The following BMP3 variants were observed in gnomAD, a reference collection of about 807,000 sequenced individuals.
BMP3 encodes bone morphogenetic protein 3, also known as bone morphogenetic protein 3 (osteogenic).
In BMP3, 23 loss-of-function variants were observed where a neutral mutation model predicts 38.1. That is an observed-to-expected ratio of 0.60 (90% confidence interval 0.43 to 0.86). The LOEUF is 0.86. Ranked by LOEUF, BMP3 falls within the 40% of genes least tolerant of loss-of-function variation. BMP3 has a pLI of 0.00. For missense variants in BMP3, 628 were observed against 579.6 expected (o/e 1.08, Z -0.86); for synonymous variants, 258 against 225.7 (o/e 1.14, Z -1.28).
At chr4:81,042,405 A>G (rs1354199553) in intron 1 of BMP3, among the ~76,000 whole-genome samples, 2 of 152,192 alleles carry the variant, frequency 1.3e-5, no homozygotes, top group Non-Finnish European at 2.9e-5. Context: ...GACCCACTTT[A>G]TAGATAAGCA....
chr4:81,049,689 A>G (rs1429467889), intron 2 of BMP3, among the ~76,000 whole-genome samples: 3 of 152,208 alleles, frequency 2.0e-5, no homozygotes, highest in South Asian at 4.1e-4. Context: ...GATGGGAAAC[A>G]TGCAGCCAAA....
At chr4:81,032,713 A>G (rs962498014) in intron 1 of BMP3, among the ~76,000 whole-genome samples, 1 of 152,252 alleles carries the variant, frequency 6.6e-6, no homozygotes, top group African/African-American at 2.4e-5. Context: ...AGACTCCTGG[A>G]AAAAGGGAAA....
chr4:81,031,369 T>C lies in BMP3; in HGVS notation c.85T>C (p.Phe29Leu). Residue 29 changes from phenylalanine to leucine, a missense_variant, in exon 1 of 3, where the codon TTC (phenylalanine) becomes CTC (leucine). Physicochemically the swap from Phe to Leu is conservative, Grantham distance 22 (BLOSUM62 0). Transcript: ENST00000282701. ...GCAGGGAGAGAGACCGAAGCCACCT[T>C]TCCCGGAGCTCCGCAAAGCTGTGCC... ...LAQGERPKPPFPELRKAVPGD... is the reference protein window; with the variant it reads ...LAQGERPKPPLPELRKAVPGD... 6.2e-7 allele frequency: 1 copy of C among 1,613,376 alleles called. No homozygotes were observed. The highest frequency in any genetic ancestry group is 1.3e-5 in the African/African-American group (1 of 75,062).
At chr4:81,042,099 A>T (rs1740094513) in intron 1 of BMP3, among the ~76,000 whole-genome samples, 2 of 152,236 alleles carry the variant, frequency 1.3e-5, no homozygotes, top group Admixed American at 1.3e-4. Context: ...GCAACAAGTG[A>T]GATTAATTTT....
intron 1 of BMP3, among the ~76,000 whole-genome samples, chr4:81,042,756 A>G (rs1740113867): frequency 6.6e-6 from 1 of 152,246 alleles, no homozygotes. Flanking sequence ...ATTCCCTGCC[A>G]GCATGTTTGT....
chr4:81,044,960 C>G (rs1740190104), intron 1 of BMP3, among the ~76,000 whole-genome samples: 1 of 152,164 alleles, frequency 6.6e-6, no homozygotes, highest in Non-Finnish European at 1.5e-5. Context: ...TGTTTCAATT[C>G]TTTGGCGTGT....
chr4:81,044,565 A>G (rs927030109), intron 1 of BMP3, among the ~76,000 whole-genome samples: 1 of 152,232 alleles, frequency 6.6e-6, no homozygotes, highest in African/African-American at 2.4e-5. Context: ...CCAAGTCTAT[A>G]TAGTTCCAAA....
rs1305783268 is a variant in BMP3 at position 81,057,402 on chromosome 4, G to T, written c.*3866G>T. 6.6e-6 allele frequency: 1 copy of T among 151,874 alleles called. No individual in the cohort carries two copies. The highest frequency in any genetic ancestry group is 2.4e-5 in the African/African-American group (1 of 41,376). The allele number at this position is 151,874 out of a possible 1,614,324, so 9.4% of individuals were successfully genotyped here. A position where few individuals can be genotyped will look rare whatever the true frequency, so the allele number is the denominator to read the frequency against. ...GTTCTTTAGTCAAATCCACTTAGAGGGTATATTGCAGTGAAACTGTGAAGG... is the reference window on the plus strand; with the variant it reads ...GTTCTTTAGTCAAATCCACTTAGAGTGTATATTGCAGTGAAACTGTGAAGG... On this transcript the variant is annotated 3_prime_UTR_variant, in exon 3 of 3. Transcript: ENST00000282701.
intron 1 of BMP3, among the ~76,000 whole-genome samples, chr4:81,042,785 C>A (rs1321600612): frequency 6.6e-6 from 1 of 152,202 alleles, no homozygotes; most frequent in Non-Finnish European, 1.5e-5. Context: ...CATTGGATTG[C>A]CACATACCTA....
intron 2 of BMP3, among the ~76,000 whole-genome samples, chr4:81,052,981 G>A (rs1740436557): frequency 6.6e-6 from 1 of 152,086 alleles, no homozygotes; most frequent in African/African-American, 2.4e-5. Flanking sequence ...GGGCTAAGTT[G>A]TTTGTAATTA....
At chr4:81,043,385 A>G (rs1355370177) in intron 1 of BMP3, among the ~76,000 whole-genome samples, 1 of 152,214 alleles carries the variant, frequency 6.6e-6, no homozygotes, top group Non-Finnish European at 1.5e-5. Flanking sequence ...GTATGGGTGA[A>G]CAATTTTAAT....
intron 1 of BMP3, among the ~76,000 whole-genome samples, chr4:81,044,886 G>A (rs1299114004): frequency 6.6e-6 from 1 of 152,122 alleles, no homozygotes; most frequent in Admixed American, 6.6e-5. Flanking sequence ...GTAGTCATTT[G>A]AGCTGTTCTA....
chr4:81,050,003 G>T (rs1325586531), intron 2 of BMP3, among the ~76,000 whole-genome samples: 2 of 152,174 alleles, frequency 1.3e-5, no homozygotes, highest in East Asian at 1.9e-4. Context: ...GTCTGCAAAA[G>T]TTGACAACCT....
In BMP3 at chr4:81,046,103, C is replaced by A. The variant is rs774714825; in HGVS notation, c.682C>A (p.Leu228Met). 1 of 1,614,058 alleles carries A rather than the reference C, an allele frequency of 6.2e-7. No individual in the cohort carries two copies. The highest frequency in any genetic ancestry group is 1.3e-5 in the African/African-American group (1 of 74,938). The change falls in exon 2 of 3, where the codon CTG becomes ATG. Residue 228 changes from leucine to methionine, a missense_variant. Transcript: ENST00000282701. The stretch of plus-strand genomic sequence containing the variant: ...TAACATTACGTCCAAGGGACGCCAG[C>A]TGCCAAAGAGGAGGTTACCTTTTCC... ...GFNITSKGRQ[L>M]PKRRLPFPEP...
At chr4:81,047,868 A>C (rs1740299304) in intron 2 of BMP3, among the ~76,000 whole-genome samples, 1 of 149,796 alleles carries the variant, frequency 6.7e-6, no homozygotes, top group Admixed American at 6.7e-5. Context: ...TGAGTCCAAG[A>C]GTTGGAGTAA....
Position 81,031,397 on chromosome 4 carries a change from G to C in BMP3, c.113G>C (p.Gly38Ala), listed in dbSNP as rs555369050. 2 of 1,613,666 alleles carry C rather than the reference G, an allele frequency of 1.2e-6. No homozygotes were observed. The highest frequency in any genetic ancestry group is 2.7e-5 in the African/African-American group (2 of 74,942). The change falls in exon 1 of 3, where the codon GGT becomes GCT. Residue 38 changes from glycine (G) to alanine (A), a missense_variant. Gly to Ala is a moderately conservative substitution (Grantham distance 60). Transcript: ENST00000282701. ...CCGGAGCTCCGCAAAGCTGTGCCAG[G>C]TGACCGCACGGCAGGTGGTGGCCCG... ...PFPELRKAVP[G>A]DRTAGGGPDS...
At chr4:81,050,839 A>C (rs1740384004) in intron 2 of BMP3, among the ~76,000 whole-genome samples, 1 of 152,178 alleles carries the variant, frequency 6.6e-6, no homozygotes, top group South Asian at 2.1e-4. Context: ...TTAGTAATTG[A>C]TATATTAATT....
At chr4:81,035,216 T>C (rs1442253005) in intron 1 of BMP3, among the ~76,000 whole-genome samples, 1 of 152,106 alleles carries the variant, frequency 6.6e-6, no homozygotes, top group African/African-American at 2.4e-5. Context: ...ATGTCATGAA[T>C]TCTTCATTAT....
At chr4:81,032,016 G>A (rs1437737748) in intron 1 of BMP3, among the ~76,000 whole-genome samples, 1 of 151,962 alleles carries the variant, frequency 6.6e-6, no homozygotes, top group Non-Finnish European at 1.5e-5. Flanking sequence ...TTTACTAAGA[G>A]GCAGATGCCA....
Sources: gnomAD v4.1 joint callset for allele counts (sites outside exome capture counted in the v4.1 genomes callset) on GRCh38, gnomAD v4.1.1 for gene constraint, MANE v1.5 for transcripts, NCBI Gene and HGNC (gene_info 2026-07-23, HGNC 2026-07-21) for gene names.